PLXDC2: variants seen among roughly 807,000 people sequenced by gnomAD.
PLXDC2 encodes the protein plexin domain-containing protein 2.
Under a neutral mutation model 68.9 loss-of-function variants are expected in PLXDC2, and 40 were observed. The ratio of observed to expected loss-of-function variants is 0.58; its 90% confidence interval spans 0.45 to 0.76. The LOEUF (loss-of-function observed/expected upper bound fraction) is 0.76. PLXDC2 is among the 30% of genes least tolerant of loss of function. The probability of loss-of-function intolerance (pLI) is 0.00; values close to 1 mark genes in which losing one functional copy is unlikely to be tolerated. For synonymous variants in PLXDC2, 243 were observed against 234.2 expected (o/e 1.04, Z -0.34); for missense variants, 644 against 661.9 (o/e 0.97, Z 0.30).
chr10:20,258,991 G>C (rs1835777464), intron 13 of PLXDC2, among the ~76,000 whole-genome samples: 1 of 146,578 alleles, frequency 6.8e-6, no homozygotes, highest in Admixed American at 6.8e-5. Flanking sequence ...CTGGGCGACA[G>C]AGCGATACTC....
At chr10:20,168,247 T>G (rs1251776613) in intron 7 of PLXDC2, among the ~76,000 whole-genome samples, 2 of 152,154 alleles carry the variant, frequency 1.3e-5, no homozygotes, top group African/African-American at 4.8e-5. Flanking sequence ...ACATTAAACT[T>G]TTAATTGATT....
At chr10:20,272,650 A>G (rs1835954732) in intron 13 of PLXDC2, among the ~76,000 whole-genome samples, 1 of 152,124 alleles carries the variant, frequency 6.6e-6, no homozygotes, top group Admixed American at 6.5e-5. Flanking sequence ...TCATCTTGAG[A>G]GAATGGTAAA....
chr10:19,947,543 G>A (rs1250909486), intron 1 of PLXDC2, among the ~76,000 whole-genome samples: 3 of 152,016 alleles, frequency 2.0e-5, no homozygotes, highest in Non-Finnish European at 2.9e-5. Flanking sequence ...CTGCTCCCAT[G>A]TTTGCTAATA....
intron 6 of PLXDC2, among the ~76,000 whole-genome samples, chr10:20,161,039 A>G (rs1466687146): frequency 6.6e-6 from 1 of 152,160 alleles, no homozygotes; most frequent in Non-Finnish European, 1.5e-5. Context: ...GAGCAATACT[A>G]CCTCATTTTA....
In PLXDC2 at chr10:19,843,101, A is replaced by G. The variant is rs79397544; in HGVS notation, c.112+25910A>G. Among the ~76,000 whole-genome samples the G allele has an allele frequency of 2.5e-3, 372 of 146,998 alleles. 9 individuals are homozygous for G. In the East Asian group the frequency reaches 0.053, roughly 21 times the overall value. Reference sequence around the variant, plus strand: ...AATTTACCGGACCCCTAATGTCTTTACAACGATCTGCCACTGTATCTACAG... The same window carrying G: ...AATTTACCGGACCCCTAATGTCTTTGCAACGATCTGCCACTGTATCTACAG... On this transcript the variant is annotated intron_variant, in intron 1 of 13. Transcript: ENST00000377252.
At chr10:20,152,918 G>T (rs547155163) in intron 6 of PLXDC2, among the ~76,000 whole-genome samples, 9 of 152,224 alleles carry the variant, frequency 5.9e-5, no homozygotes, top group Non-Finnish European at 4.4e-5. Context: ...TTTTTTGGCA[G>T]TTGGTACAGA....
chr10:19,907,876 C>T (rs1358589254), intron 1 of PLXDC2, among the ~76,000 whole-genome samples: 1 of 152,140 alleles, frequency 6.6e-6, no homozygotes, highest in Non-Finnish European at 1.5e-5. Flanking sequence ...CTCTCATCTT[C>T]AGAAAGTCTG....
rs1834382432 is a variant in PLXDC2, at chr10:20,166,814, GC to G, written c.883+2250del. On this transcript the variant is annotated intron_variant, in intron 7 of 13. Transcript: ENST00000377252. ...GATAAAATTGTACTTAGATATCAGG[GC>G]CCTAAAGTGTAATTTTGCATCCTTT... Among the ~76,000 whole-genome samples the G allele has an allele frequency of 2.0e-5, 3 of 152,072 alleles. No individual in the cohort carries two copies. In the South Asian group the frequency reaches 6.2e-4, roughly 32 times the overall value.
intron 1 of PLXDC2, among the ~76,000 whole-genome samples, chr10:19,995,494 G>A (rs1834829251): frequency 6.6e-6 from 1 of 152,198 alleles, no homozygotes; most frequent in South Asian, 2.1e-4. Context: ...TGTCTAGCAT[G>A]TACCAAAATT....
chr10:19,889,597 C>T (rs1171264466), intron 1 of PLXDC2, among the ~76,000 whole-genome samples: 1 of 152,146 alleles, frequency 6.6e-6, no homozygotes, highest in Non-Finnish European at 1.5e-5. Flanking sequence ...CTTTCTTTTC[C>T]TTTCCCTATC....
chr10:20,110,061 G>GA (rs1460234607), intron 4 of PLXDC2, among the ~76,000 whole-genome samples: 1 of 152,088 alleles, frequency 6.6e-6, no homozygotes, highest in African/African-American at 2.4e-5. Context: ...CCACATACCA[G>GA]AAAAAAAGAT....
chr10:20,008,881 T>C (rs1835067482), intron 2 of PLXDC2, among the ~76,000 whole-genome samples: 1 of 152,192 alleles, frequency 6.6e-6, no homozygotes, highest in African/African-American at 2.4e-5. Flanking sequence ...GACATGACTT[T>C]GCTCCTCCTT....
chr10:19,931,508 A>G (rs1214890790), intron 1 of PLXDC2, among the ~76,000 whole-genome samples: 1 of 152,250 alleles, frequency 6.6e-6, no homozygotes, highest in Non-Finnish European at 1.5e-5. Context: ...TGGGCTCGCT[A>G]TTTAAAGGAA....
At chr10:20,191,772 G>T (rs545986103) in intron 9 of PLXDC2, among the ~76,000 whole-genome samples, 1 of 152,020 alleles carries the variant, frequency 6.6e-6, no homozygotes, top group Non-Finnish European at 1.5e-5. Context: ...AAACCTGCAC[G>T]TTGTGCACAT....
intron 2 of PLXDC2, among the ~76,000 whole-genome samples, chr10:20,006,233 G>T (rs1319778552): frequency 6.6e-6 from 1 of 152,078 alleles, no homozygotes; most frequent in Non-Finnish European, 1.5e-5. Flanking sequence ...CTCTTTTGGG[G>T]AAAATAGTTT....
intron 1 of PLXDC2, among the ~76,000 whole-genome samples, chr10:19,863,283 G>T (rs113343418): frequency 6.6e-6 from 1 of 152,186 alleles, no homozygotes; most frequent in African/African-American, 2.4e-5. Flanking sequence ...AAAGACATCT[G>T]TGCAGATCCC....
chr10:20,193,689 G>GA (rs1834799789), intron 9 of PLXDC2, among the ~76,000 whole-genome samples: 1 of 152,024 alleles, frequency 6.6e-6, no homozygotes, highest in East Asian at 1.9e-4. Flanking sequence ...CAAATTTTAA[G>GA]AAAAAACTAC....
At chr10:19,948,794 T>C (rs1833946714) in intron 1 of PLXDC2, among the ~76,000 whole-genome samples, 1 of 152,130 alleles carries the variant, frequency 6.6e-6, no homozygotes, top group East Asian at 1.9e-4. Context: ...CTGCTGCCCA[T>C]ATTATGTTTC....
intron 13 of PLXDC2, among the ~76,000 whole-genome samples, chr10:20,247,135 A>G (rs1835607515): frequency 1.3e-5 from 2 of 151,974 alleles, no homozygotes; most frequent in African/African-American, 4.8e-5. Flanking sequence ...TCCATGTCAC[A>G]AAGACATTGC....
Sources: gnomAD v4.1 joint callset for allele counts (sites outside exome capture counted in the v4.1 genomes callset) on GRCh38, gnomAD v4.1.1 for gene constraint, MANE v1.5 for transcripts, NCBI Gene and HGNC (gene_info 2026-07-23, HGNC 2026-07-21) for gene names.